Variants in NECTIN3 observed in about 807,000 individuals in gnomAD.
NECTIN3 encodes the protein nectin-3.
A neutral mutation model predicts 49.4 loss-of-function variants in NECTIN3; 8 were observed. The ratio of observed to expected loss-of-function variants is 0.16; its 90% confidence interval spans 0.10 to 0.29. The LOEUF (loss-of-function observed/expected upper bound fraction) is 0.29. Ranked by LOEUF, NECTIN3 falls within the 10% of genes least tolerant of loss-of-function variation. NECTIN3 has a pLI of 1.00. For missense variants in NECTIN3, 581 were observed against 654.6 expected (o/e 0.89, Z 1.23); for synonymous variants, 277 against 241.1 (o/e 1.15, Z -1.38).
At chr3:111,082,909 G>T (rs1268748532) in intron 1 of NECTIN3, among the ~76,000 whole-genome samples, 1 of 152,152 alleles carries the variant, frequency 6.6e-6, no homozygotes, top group African/African-American at 2.4e-5. Context: ...TTCTTGTAAG[G>T]AGTGCACAAC....
chr3:111,074,459 T>C (rs371823537), intron 1 of NECTIN3, among the ~76,000 whole-genome samples: 16 of 152,162 alleles, frequency 1.1e-4, no homozygotes, highest in Non-Finnish European at 1.8e-4. Flanking sequence ...TTATGACATA[T>C]AGATTTTTCC....
At chr3:111,122,612 T>C (rs1286104195) in intron 4 of NECTIN3, among the ~76,000 whole-genome samples, 1 of 152,142 alleles carries the variant, frequency 6.6e-6, no homozygotes, top group Non-Finnish European at 1.5e-5. Context: ...CAAACGAAAT[T>C]TTAGCTATTT....
intron 6 of NECTIN3, among the ~76,000 whole-genome samples, chr3:111,146,313 A>T (rs113488673): frequency 6.6e-6 from 1 of 150,928 alleles, no homozygotes; most frequent in African/African-American, 2.4e-5. Context: ...GGGCGCCTGT[A>T]GTCCCAGCTA....
rs561900049 is a variant in NECTIN3, at chr3:111,147,554, T to C, written c.1221+70T>C. On this transcript the variant is annotated intron_variant, in intron 7 of 8. Coordinates refer to the NECTIN3 transcript ENST00000493615. ...AAAAAATACTAAGCCATTTGTATTA[T>C]TTCTTTCAAAATGTTGTTTAGTCAT... 1.3e-5 allele frequency: 17 copies of C among 1,308,184 alleles called. No homozygotes were observed. In the African/African-American group the frequency reaches 2.4e-4, roughly 18 times the overall value. 81.0% of individuals were successfully genotyped at this position (1,308,184 alleles called of 1,614,324 possible). A position where few individuals can be genotyped will look rare whatever the true frequency, so the allele number is the denominator to read the frequency against.
chr3:111,105,177 C>T (rs2033122262), intron 1 of NECTIN3, among the ~76,000 whole-genome samples: 1 of 141,192 alleles, frequency 7.1e-6, no homozygotes, highest in South Asian at 2.2e-4. Context: ...GGGTCTTGCT[C>T]TGTCACCCAG....
At chr3:111,072,270 G>C (rs2030817715) in intron 1 of NECTIN3, 93 bp downstream of exon 1, 1 of 1,459,680 alleles carries the variant, frequency 6.9e-7, no homozygotes, top group African/African-American at 1.5e-5. Flanking sequence ...CTCTGGAGCA[G>C]CGAGGCGGTT....
intron 7 of NECTIN3, among the ~76,000 whole-genome samples, chr3:111,159,473 GT>G (rs942841365): frequency 8.6e-5 from 13 of 151,898 alleles, no homozygotes; most frequent in African/African-American, 1.5e-4. Context: ...CCACTATATA[GT>G]TTTTTTTGTT....
At chr3:111,115,344 C>G (rs1287956433) in intron 2 of NECTIN3, among the ~76,000 whole-genome samples, 2 of 152,150 alleles carry the variant, frequency 1.3e-5, no homozygotes, top group Non-Finnish European at 2.9e-5. Flanking sequence ...AACTTAAATG[C>G]TAGGATAGGG....
intron 6 of NECTIN3, among the ~76,000 whole-genome samples, chr3:111,145,928 C>T (rs2034862426): frequency 6.6e-6 from 1 of 152,148 alleles, no homozygotes; most frequent in East Asian, 1.9e-4. Context: ...GTGTCAGTTA[C>T]AGCTCTGTCA....
chr3:111,133,837 A>T lies in NECTIN3; in HGVS notation c.1272A>T (p.Gly424=), dbSNP rs1576148945. ...TAGTACTTGTAAGTGTTTTGGCTGG[A>T]ATATTCTGCTATAGGAGAAGACGGA... ...LFIVLVSVLA[G]IFCYRRRRTF... The change falls in exon 6 of 6, where the codon GGA becomes GGT. Residue 424 remains glycine, a synonymous_variant. Coordinates refer to ENST00000485303, the MANE Select transcript of NECTIN3 (RefSeq NM_015480.3). 6.2e-6 allele frequency: 10 copies of T among 1,613,894 alleles called. No homozygotes were observed. Among genetic ancestry groups the T allele is most frequent in the Non-Finnish European group, 7.6e-6 (9 of 1,179,918 alleles).
At chr3:111,138,873 G>A (rs910015415), downstream of NECTIN3, among the ~76,000 whole-genome samples, 1 of 151,574 alleles carries the variant, frequency 6.6e-6, no homozygotes, top group African/African-American at 2.4e-5. Context: ...TCTCAATTAA[G>A]AGAAATATCC....
chr3:111,166,163 G>A (rs558124069), intron 7 of NECTIN3, among the ~76,000 whole-genome samples: 4 of 152,302 alleles, frequency 2.6e-5, no homozygotes, highest in African/African-American at 9.6e-5. Flanking sequence ...TGCTTCCACA[G>A]TCACCAGAAT....
At chr3:111,142,982 C>T (rs1224982136) in intron 5 of NECTIN3, among the ~76,000 whole-genome samples, 1 of 151,664 alleles carries the variant, frequency 6.6e-6, no homozygotes, top group Non-Finnish European at 1.5e-5. Context: ...TTATTTGTGC[C>T]ACTGACTAGA....
chr3:111,134,073 G>A lies in NECTIN3; in HGVS notation c.1508G>A (p.Arg503Lys). 1.2e-6 allele frequency: 2 copies of A among 1,613,556 alleles called. No homozygotes were observed. Among genetic ancestry groups the A allele is most frequent in the Non-Finnish European group, 1.7e-6 (2 of 1,179,698 alleles). ...TGGAACAATGTAGAAAATCTCAATA[G>A]GTTTGAAAGACCAATGGATTATTAT... is the stretch of plus-strand genomic sequence containing the variant. ...TQWNNVENLN[R>K]FERPMDYYED... The change falls in exon 6 of 6, where the codon AGG (arginine) becomes AAG (lysine). Residue 503 changes from arginine (R) to lysine (K), a missense_variant. Physicochemically the swap from Arg to Lys is conservative, Grantham distance 26. Around this residue, in one of 3 missense-constraint regions of NECTIN3, gnomAD observed 238 missense variants for 244.9 expected, o/e 0.97. Transcript: ENST00000485303.
chr3:111,122,088 G>T (rs924225579), intron 3 of NECTIN3, 33 bp from the exon 4 acceptor site: 1 of 1,359,976 alleles, frequency 7.4e-7, no homozygotes, highest in Non-Finnish European at 1.0e-6. Context: ...ATTAACAAAA[G>T]GTAATCTGTC....
chr3:111,094,938 C>T (rs969332402), intron 1 of NECTIN3, among the ~76,000 whole-genome samples: 1 of 152,044 alleles, frequency 6.6e-6, no homozygotes, highest in South Asian at 2.1e-4. Flanking sequence ...CAGTTAAGGG[C>T]TAATTTTGCA....
At chr3:111,082,282 G>A (rs920301443) in intron 1 of NECTIN3, among the ~76,000 whole-genome samples, 2 of 152,048 alleles carry the variant, frequency 1.3e-5, no homozygotes, top group Non-Finnish European at 2.9e-5. Context: ...AGAAGGGTGA[G>A]GTACGAGGGG....
chr3:111,162,157 A>G (rs1008399449), intron 7 of NECTIN3, among the ~76,000 whole-genome samples: 1 of 152,056 alleles, frequency 6.6e-6, no homozygotes, highest in Non-Finnish European at 1.5e-5. Context: ...ACGCTTTGTG[A>G]TTTAACCTCT....
At chr3:111,125,647 C>A (rs962653369) in intron 4 of NECTIN3, among the ~76,000 whole-genome samples, 2 of 152,116 alleles carry the variant, frequency 1.3e-5, no homozygotes, top group Non-Finnish European at 2.9e-5. Flanking sequence ...TATAGGAAGA[C>A]CCATTTTGCT....
Sources: gnomAD v4.1 joint callset for allele counts (sites outside exome capture counted in the v4.1 genomes callset) on GRCh38, gnomAD v4.1.1 for gene constraint, gnomAD v4.1.1 regional missense constraint, MANE v1.5 for transcripts, NCBI Gene and HGNC (gene_info 2026-07-23, HGNC 2026-07-21) for gene names.